The following TSG101 variants were observed in gnomAD, a reference collection of about 807,000 sequenced individuals.
TSG101 encodes the protein tumor susceptibility gene 101 protein.
Under a neutral mutation model 48.5 loss-of-function variants are expected in TSG101, and 19 were observed. The ratio of observed to expected loss-of-function variants is 0.39; its 90% confidence interval spans 0.27 to 0.58. TSG101 has a LOEUF of 0.58. TSG101 is among the 20% of genes least tolerant of loss of function. The probability of loss-of-function intolerance (pLI) is 0.55; values close to 1 mark genes in which losing one functional copy is unlikely to be tolerated. For synonymous variants in TSG101, 174 were observed against 169.4 expected (o/e 1.03, Z -0.21); for missense variants, 365 against 484.4 (o/e 0.75, Z 2.31).
intron 9 of TSG101, among the ~76,000 whole-genome samples, chr11:18,480,996 CAGTG>C (rs945633761): frequency 2.0e-5 from 3 of 152,306 alleles, no homozygotes; most frequent in African/African-American, 7.2e-5. Flanking sequence ...CATTCCCCCA[CAGTG>C]AGAGGAGATA....
intron 7 of TSG101, among the ~76,000 whole-genome samples, chr11:18,493,210 C>A (rs1159691877): frequency 6.6e-6 from 1 of 152,186 alleles, no homozygotes; most frequent in African/African-American, 2.4e-5. Flanking sequence ...CAGGTAGGAT[C>A]TGATCTCCAA....
At position 18,480,534 on chromosome 11, in the gene TSG101, G is replaced by GT. The variant is rs1406725782; in HGVS notation, c.*11dup. On this transcript the variant is annotated 3_prime_UTR_variant, in exon 10 of 10. Transcript: ENST00000251968. ...TTAAGAAGAGCTCAACCTCCAGCTG[G>GT]TATCAGAGAAGTCAGTAGAGGTCAC... The GT allele has an allele frequency of 5.0e-6, 8 of 1,609,186 alleles. No homozygotes were observed. In the African/African-American group the frequency reaches 6.7e-5, roughly 13 times the overall value.
chr11:18,519,568 G>C lies in TSG101; in HGVS notation c.78C>G (p.Val26=). The change falls in exon 2 of 10, where the codon GTC becomes GTG. Residue 26 remains valine, a synonymous_variant. Coordinates refer to ENST00000251968, the MANE Select transcript of TSG101 (RefSeq NM_006292.4). ...KYRDLTVRET[V]NVITLYKDLK... Reference sequence around the variant, plus strand: ...GATCTTTGTATAGAGTAATAACATTGACAGTTTCACGTACAGTTAGGTCTC... The same window carrying C: ...GATCTTTGTATAGAGTAATAACATTCACAGTTTCACGTACAGTTAGGTCTC... 2 of 1,612,902 alleles carry C rather than the reference G, an allele frequency of 1.2e-6. No individual in the cohort carries two copies. Among genetic ancestry groups the C allele is most frequent in the Non-Finnish European group, 1.7e-6 (2 of 1,179,650 alleles).
At chr11:18,486,866 C>G (rs1426329546) in intron 7 of TSG101, among the ~76,000 whole-genome samples, 1 of 151,910 alleles carries the variant, frequency 6.6e-6, no homozygotes, top group African/African-American at 2.4e-5. Context: ...TTGGAACCAA[C>G]CCAAATGTCC....
chr11:18,504,195 C>T (rs1344807857), intron 6 of TSG101, among the ~76,000 whole-genome samples: 1 of 126,606 alleles, frequency 7.9e-6, no homozygotes, highest in Admixed American at 8.1e-5. Context: ...GTGAAGCCCC[C>T]ATCTCAAAAA....
At chr11:18,489,459 T>C (rs2658555) in intron 7 of TSG101, among the ~76,000 whole-genome samples, 150,599 of 152,326 alleles carry the variant, frequency 0.99, 74,469 homozygotes, top group Middle Eastern at 1. Flanking sequence ...ATAAAACACA[T>C]GGCTTTTCTT....
intron 1 of TSG101, among the ~76,000 whole-genome samples, chr11:18,520,106 C>G (rs374696854): frequency 1.3e-5 from 2 of 152,188 alleles, no homozygotes; most frequent in African/African-American, 2.4e-5. Context: ...TAGACAACCA[C>G]GAATTTACTT....
At chr11:18,509,816 AAT>A (rs1198956364) in intron 4 of TSG101, 151 bp from the exon 5 acceptor site, 18 of 878,488 alleles carry the variant, frequency 2.0e-5, no homozygotes, top group Non-Finnish European at 2.6e-5. Context: ...AATTTATTTT[AAT>A]AGAGTTAAGT....
At chr11:18,514,437 TA>T (rs1485276731) in intron 4 of TSG101, among the ~76,000 whole-genome samples, 1 of 152,186 alleles carries the variant, frequency 6.6e-6, no homozygotes, top group Non-Finnish European at 1.5e-5. Context: ...CTGCCTATTT[TA>T]AAAAGGTTCA....
chr11:18,495,615 T>C lies in TSG101; in HGVS notation c.640+6871A>G, dbSNP rs558551047. Among the ~76,000 whole-genome samples, 29 of 151,808 alleles carry C rather than the reference T, an allele frequency of 1.9e-4. No individual in the cohort carries two copies. The South Asian group carries it at 5.8e-3, about 31-fold the overall frequency. ...GTCAGTTTATGTTTTGCTCCTACAG[T>C]AACAGGAAAAAGAATCTTTGTGTTA... On this transcript the variant is annotated intron_variant, in intron 7 of 9. Coordinates refer to ENST00000251968, the MANE Select transcript of TSG101 (RefSeq NM_006292.4).
intron 7 of TSG101, among the ~76,000 whole-genome samples, chr11:18,486,710 C>T (rs1413170826): frequency 6.0e-5 from 9 of 149,744 alleles, no homozygotes; most frequent in East Asian, 6.0e-4. Flanking sequence ...GTCAGTGTGG[C>T]GATTCCTCAG....
chr11:18,489,020 C>T (rs1161119400), intron 7 of TSG101, among the ~76,000 whole-genome samples: 1 of 151,502 alleles, frequency 6.6e-6, no homozygotes. Flanking sequence ...GAGGCTGAGA[C>T]AGGAGAATCG....
chr11:18,496,115 T>C (rs1849772619), intron 7 of TSG101, among the ~76,000 whole-genome samples: 1 of 152,184 alleles, frequency 6.6e-6, no homozygotes. Flanking sequence ...TATATACTAA[T>C]ATTTTTGAAC....
chr11:18,514,225 A>C (rs573072777), intron 4 of TSG101, among the ~76,000 whole-genome samples: 1 of 152,172 alleles, frequency 6.6e-6, no homozygotes. Context: ...AAGCCTTCCA[A>C]CAGGTGTTGT....
At chr11:18,525,626 A>G in intron 1 of TSG101, 1 of 958,354 alleles carries the variant, frequency 1.0e-6, no homozygotes. Flanking sequence ...TTTTTTCAAA[A>G]AGTGATATAT....
chr11:18,510,292 G>C (rs1850056703), intron 4 of TSG101, among the ~76,000 whole-genome samples: 2 of 151,996 alleles, frequency 1.3e-5, no homozygotes, highest in South Asian at 4.1e-4. Flanking sequence ...GTGGTGATGT[G>C]CGTCTATGGT....
At chr11:18,490,744 A>G in intron 7 of TSG101, 2 of 475,246 alleles carry the variant, frequency 4.2e-6, no homozygotes, top group East Asian at 1.0e-4. Context: ...GCTGTTTCTC[A>G]TTCCTCTGTT....
chr11:18,494,067 AAC>A (rs1259016791), intron 7 of TSG101, among the ~76,000 whole-genome samples: 1 of 152,228 alleles, frequency 6.6e-6, no homozygotes, highest in Non-Finnish European at 1.5e-5. Flanking sequence ...CTTGAAAATA[AAC>A]ACACACCACA....
chr11:18,522,665 T>A (rs1167427027), intron 1 of TSG101, among the ~76,000 whole-genome samples: 1 of 152,220 alleles, frequency 6.6e-6, no homozygotes, highest in Non-Finnish European at 1.5e-5. Flanking sequence ...CTTTTCATCA[T>A]ACTCCAAGTA....
Sources: gnomAD v4.1 joint callset for allele counts (sites outside exome capture counted in the v4.1 genomes callset) on GRCh38, gnomAD v4.1.1 for gene constraint, MANE v1.5 for transcripts, NCBI Gene and HGNC (gene_info 2026-07-23, HGNC 2026-07-21) for gene names.